AKAP6: variants seen among roughly 807,000 people sequenced by gnomAD.
The protein encoded by AKAP6 is A-kinase anchoring protein 6.
AKAP6 carries 58 observed loss-of-function variants against 188.5 expected under a neutral mutation model. That is an observed-to-expected ratio of 0.31 (90% CI 0.25 to 0.38). AKAP6 has a LOEUF of 0.38. AKAP6 is among the 10% of genes least tolerant of loss of function. The pLI is 1.00. For synonymous variants in AKAP6, 989 were observed against 998.6 expected (o/e 0.99, Z 0.18); for missense variants, 2,710 against 2,740.0 (o/e 0.99, Z 0.24).
At chr14:32,691,003 G>C (rs994439360) in intron 8 of AKAP6, among the ~76,000 whole-genome samples, 1 of 152,106 alleles carries the variant, frequency 6.6e-6, no homozygotes, top group East Asian at 1.9e-4. Flanking sequence ...TATTACAATG[G>C]TATCCTAACA....
chr14:32,406,784 T>C (rs1340297102), intron 1 of AKAP6, among the ~76,000 whole-genome samples: 2 of 152,190 alleles, frequency 1.3e-5, no homozygotes, highest in African/African-American at 4.8e-5. Context: ...AAGTTATAAA[T>C]TGAGAACTTT....
chr14:32,343,239 C>A (rs977240229), intron 1 of AKAP6, among the ~76,000 whole-genome samples: 1 of 152,104 alleles, frequency 6.6e-6, no homozygotes, highest in African/African-American at 2.4e-5. Context: ...GTATACCTTC[C>A]TTGTCAAGAC....
intron 12 of AKAP6, among the ~76,000 whole-genome samples, chr14:32,809,994 C>T (rs186696363): frequency 3.9e-4 from 59 of 152,286 alleles, no homozygotes; most frequent in African/African-American, 1.2e-3. Context: ...CTACACTCTG[C>T]GCTGGAAGCA....
chr14:32,618,134 A>T (rs1488134250), intron 7 of AKAP6, among the ~76,000 whole-genome samples: 1 of 152,238 alleles, frequency 6.6e-6, no homozygotes. Context: ...AAAAAGAAAG[A>T]AAAACAAAGC....
intron 8 of AKAP6, among the ~76,000 whole-genome samples, chr14:32,689,809 A>G (rs1476451137): frequency 2.0e-5 from 3 of 151,968 alleles, no homozygotes; most frequent in Non-Finnish European, 2.9e-5. Flanking sequence ...CTTAAACTAT[A>G]TTTTTGCAAG....
intron 11 of AKAP6, among the ~76,000 whole-genome samples, chr14:32,770,219 A>G (rs558347052): frequency 6.6e-6 from 1 of 152,214 alleles, no homozygotes; most frequent in Admixed American, 6.5e-5. Flanking sequence ...ACTACCTTAT[A>G]ATGTGGATCG....
At position 32,810,254 on chromosome 14, in the gene AKAP6, GTT is replaced by G. The variant is rs11298100; in HGVS notation, c.3589-11137_3589-11136del. Reference sequence around the variant, plus strand: ...AAATGACCCCAACCCCCTAATGCTCGTTTTTTTTTTTTAATTTACAAAATGAA... The same window carrying G: ...AAATGACCCCAACCCCCTAATGCTCGTTTTTTTTTTAATTTACAAAATGAA... On this transcript the variant is annotated intron_variant, in intron 12 of 13. Transcript: ENST00000280979. Among the ~76,000 whole-genome samples, 16 of 147,850 alleles carry G rather than the reference GTT, an allele frequency of 1.1e-4. 1 individual carries two copies. The highest frequency in any genetic ancestry group is 2.2e-4 in the South Asian group (1 of 4,628).
chr14:32,482,445 C>T (rs919356306), intron 2 of AKAP6, among the ~76,000 whole-genome samples: 2 of 152,158 alleles, frequency 1.3e-5, no homozygotes, highest in African/African-American at 4.8e-5. Flanking sequence ...CCTTCATTTC[C>T]TTTAGGTCTC....
At chr14:32,379,072 C>T (rs984065903) in intron 1 of AKAP6, among the ~76,000 whole-genome samples, 3 of 151,972 alleles carry the variant, frequency 2.0e-5, no homozygotes, top group Admixed American at 6.6e-5. Context: ...GCATGCACCA[C>T]CACGCCTGGC....
intron 11 of AKAP6, among the ~76,000 whole-genome samples, chr14:32,764,916 T>G (rs12436487): frequency 0.58 from 86,986 of 150,658 alleles, 27,074 homozygotes; most frequent in Admixed American, 0.71. Context: ...AGGCTATTAT[T>G]TTGCATTCAA....
intron 11 of AKAP6, among the ~76,000 whole-genome samples, chr14:32,736,959 T>C (rs17099498): frequency 0.011 from 1,633 of 152,296 alleles, 23 homozygotes; most frequent in African/African-American, 0.037. Flanking sequence ...AACCTCCTCT[T>C]CTGCCACTTA....
chr14:32,329,435 T>C (rs1395268743), intron 1 of AKAP6, 27 bp downstream of exon 1: 1 of 152,150 alleles, frequency 6.6e-6, no homozygotes, highest in East Asian at 1.9e-4. Context: ...TGGGCCTTAA[T>C]TGCACGGCTG....
At chr14:32,412,995 C>T (rs1331396699) in intron 1 of AKAP6, among the ~76,000 whole-genome samples, 1 of 152,010 alleles carries the variant, frequency 6.6e-6, no homozygotes, top group African/African-American at 2.4e-5. Context: ...ATTTTATATA[C>T]AGTGTCTTCT....
intron 7 of AKAP6, among the ~76,000 whole-genome samples, chr14:32,647,818 CTT>C (rs1008086006): frequency 1.2e-4 from 19 of 152,054 alleles, no homozygotes; most frequent in Non-Finnish European, 2.1e-4. Flanking sequence ...TGAAATATGC[CTT>C]GTTATTCAGA....
intron 1 of AKAP6, among the ~76,000 whole-genome samples, chr14:32,377,299 C>G (rs906757307): frequency 2.0e-5 from 3 of 152,168 alleles, no homozygotes; most frequent in African/African-American, 7.2e-5. Context: ...TTCATTATTT[C>G]AACTGTGAGG....
rs187172810 is a variant in AKAP6, at chr14:32,568,678, C to T, written c.2347-8442C>T. On this transcript the variant is annotated intron_variant, in intron 4 of 13. Transcript: ENST00000280979. The surrounding 1 kb of genome is among the most constrained non-coding windows in gnomAD (Gnocchi z 6.2). ...GTCATACTACCTGAATGAGGGGTCC[C>T]CAGCTTCATACCTGACAATGTTGGG... Among the ~76,000 whole-genome samples, 31 of 152,208 alleles carry T rather than the reference C, an allele frequency of 2.0e-4. No individual in the cohort carries two copies. The highest frequency in any genetic ancestry group is 3.2e-4 in the Non-Finnish European group (22 of 68,008).
intron 11 of AKAP6, among the ~76,000 whole-genome samples, chr14:32,751,500 T>TTTG (rs1301360934): frequency 1.3e-5 from 2 of 148,694 alleles, no homozygotes; most frequent in East Asian, 3.9e-4. Context: ...TCTTTTCACT[T>TTTG]TTTTTTTTTT....
intron 4 of AKAP6, among the ~76,000 whole-genome samples, chr14:32,575,287 G>A (rs1259406903): frequency 6.6e-6 from 1 of 152,108 alleles, no homozygotes; most frequent in African/African-American, 2.4e-5. Flanking sequence ...CTTGGCATTT[G>A]GAAAGAGTTG....
At chr14:32,665,223 A>T (rs1021911300) in intron 7 of AKAP6, among the ~76,000 whole-genome samples, 4 of 151,996 alleles carry the variant, frequency 2.6e-5, no homozygotes, top group Admixed American at 6.6e-5. Flanking sequence ...CCACAGATTG[A>T]TGGCTCAGTC....
Sources: gnomAD v4.1 joint callset for allele counts (sites outside exome capture counted in the v4.1 genomes callset) on GRCh38, gnomAD v4.1.1 for gene constraint, Gnocchi (gnomAD v3.1) non-coding constraint, MANE v1.5 for transcripts, NCBI Gene and HGNC (gene_info 2026-07-23, HGNC 2026-07-21) for gene names.